The following GALNTL6 variants were observed in gnomAD, a reference collection of about 807,000 sequenced individuals.
GALNTL6 encodes the protein polypeptide N-acetylgalactosaminyltransferase like 6.
In GALNTL6, 46 loss-of-function variants were observed where a neutral mutation model predicts 73.7. The observed-to-expected ratio is 0.62, with a 90% CI of 0.49 to 0.80. The LOEUF (loss-of-function observed/expected upper bound fraction) is 0.80. Among genes scored for constraint, GALNTL6 ranks in the 30% least tolerant of loss-of-function variants. GALNTL6 has a pLI of 0.00. For synonymous variants in GALNTL6, 259 were observed against 263.7 expected (o/e 0.98, Z 0.17); for missense variants, 604 against 755.0 (o/e 0.80, Z 2.34).
chr4:172,040,475 CAG>C (rs1742053165), intron 2 of GALNTL6, among the ~76,000 whole-genome samples: 1 of 151,948 alleles, frequency 6.6e-6, no homozygotes. Flanking sequence ...CATCATGTAA[CAG>C]AGTTACCCTC....
chr4:172,306,808 G>A (rs1325161214), intron 3 of GALNTL6, among the ~76,000 whole-genome samples: 1 of 152,032 alleles, frequency 6.6e-6, no homozygotes, highest in African/African-American at 2.4e-5. Flanking sequence ...CCTTTTTTTG[G>A]CTGAGTAGTA....
intron 5 of GALNTL6, among the ~76,000 whole-genome samples, chr4:172,639,121 G>A (rs1328611184): frequency 6.6e-6 from 1 of 152,062 alleles, no homozygotes; most frequent in African/African-American, 2.4e-5. Flanking sequence ...TTTTCTCTGT[G>A]TAACTAATAT....
At chr4:171,988,954 G>A (rs543131910) in intron 2 of GALNTL6, among the ~76,000 whole-genome samples, 5 of 151,948 alleles carry the variant, frequency 3.3e-5, no homozygotes, top group Non-Finnish European at 7.4e-5. Flanking sequence ...TGTGGCTGTA[G>A]CCTAGGAATA....
chr4:172,991,007 A>G (rs1751515684), intron 10 of GALNTL6, among the ~76,000 whole-genome samples: 1 of 152,224 alleles, frequency 6.6e-6, no homozygotes, highest in Non-Finnish European at 1.5e-5. Context: ...TAAAAAGTTA[A>G]TGAAGCCAAA....
chr4:172,052,500 C>T, intron 2 of GALNTL6: 1 of 1,535,082 alleles, frequency 6.5e-7, no homozygotes, highest in Non-Finnish European at 8.7e-7. Context: ...AGCATTAGTG[C>T]AGACCACGGA....
chr4:171,930,364 A>T (rs1578982306), intron 2 of GALNTL6, among the ~76,000 whole-genome samples: 1 of 152,246 alleles, frequency 6.6e-6, no homozygotes, highest in Admixed American at 6.5e-5. Context: ...TACTGAGTCC[A>T]CCCAGAACCA....
At chr4:172,044,106 C>A (rs1318746855) in intron 2 of GALNTL6, among the ~76,000 whole-genome samples, 1 of 151,856 alleles carries the variant, frequency 6.6e-6, no homozygotes, top group Non-Finnish European at 1.5e-5. Flanking sequence ...CATTCAGATT[C>A]TCCATGCACA....
chr4:171,903,719 A>G (rs908109136), intron 2 of GALNTL6, among the ~76,000 whole-genome samples: 25 of 151,860 alleles, frequency 1.6e-4, no homozygotes, highest in Non-Finnish European at 3.5e-4. Flanking sequence ...AGACAGCAGT[A>G]ACTTCTGCAG....
At chr4:172,100,719 T>C (rs868289546) in intron 2 of GALNTL6, among the ~76,000 whole-genome samples, 5 of 152,156 alleles carry the variant, frequency 3.3e-5, no homozygotes, top group Admixed American at 2.6e-4. Flanking sequence ...AGAAAATACA[T>C]TGAAAAGGTT....
chr4:172,664,586 C>CA (rs1404144400), intron 5 of GALNTL6, among the ~76,000 whole-genome samples: 1 of 152,184 alleles, frequency 6.6e-6, no homozygotes, highest in Non-Finnish European at 1.5e-5. Context: ...TTTACTAGGT[C>CA]ATGGATCTGA....
At chr4:172,799,104 A>G (rs1360440813) in intron 5 of GALNTL6, among the ~76,000 whole-genome samples, 1 of 152,232 alleles carries the variant, frequency 6.6e-6, no homozygotes, top group African/African-American at 2.4e-5. Flanking sequence ...GATATCTGAT[A>G]TGATTGATAA....
chr4:172,998,774 T>G (rs1027093368), intron 10 of GALNTL6, among the ~76,000 whole-genome samples: 1 of 152,158 alleles, frequency 6.6e-6, no homozygotes, highest in African/African-American at 2.4e-5. Context: ...TATTTTCTCC[T>G]TCTTATTTCT....
At chr4:172,047,718 A>G (rs549673978) in intron 2 of GALNTL6, among the ~76,000 whole-genome samples, 43 of 152,262 alleles carry the variant, frequency 2.8e-4, no homozygotes, top group African/African-American at 8.9e-4. Context: ...AAGTTCAGTT[A>G]GTTCTCTATT....
At chr4:172,722,532 CTCTT>C (rs1371715003) in intron 5 of GALNTL6, among the ~76,000 whole-genome samples, 4 of 152,100 alleles carry the variant, frequency 2.6e-5, no homozygotes, top group African/African-American at 7.2e-5. Context: ...ACCTCCCTCT[CTCTT>C]TTTCTCTCAG....
chr4:172,334,151 T>C (rs2111187432), intron 4 of GALNTL6, among the ~76,000 whole-genome samples: 1 of 152,340 alleles, frequency 6.6e-6, no homozygotes, highest in East Asian at 1.9e-4. Flanking sequence ...TTGGTTACTA[T>C]AGCCTTGTAA....
intron 2 of GALNTL6, among the ~76,000 whole-genome samples, chr4:172,220,487 T>A (rs1312878091): frequency 2.0e-5 from 3 of 151,766 alleles, no homozygotes; most frequent in Non-Finnish European, 4.4e-5. Flanking sequence ...GGTATAAATA[T>A]CCCCTTCCCT....
intron 5 of GALNTL6, among the ~76,000 whole-genome samples, chr4:172,601,499 C>T (rs1738050323): frequency 6.6e-6 from 1 of 152,258 alleles, no homozygotes; most frequent in Middle Eastern, 3.4e-3. Context: ...TTCCTAGACC[C>T]TCTCTTGCTT....
intron 5 of GALNTL6, among the ~76,000 whole-genome samples, chr4:172,677,155 C>A (rs1437695798): frequency 1.3e-5 from 2 of 152,158 alleles, no homozygotes; most frequent in Non-Finnish European, 2.9e-5. Flanking sequence ...AATAAACCTC[C>A]AAGTTTACTG....
intron 11 of GALNTL6, among the ~76,000 whole-genome samples, chr4:173,009,787 C>G (rs1752463757): frequency 6.6e-6 from 1 of 152,306 alleles, no homozygotes; most frequent in South Asian, 2.1e-4. Context: ...AGGATGTAAG[C>G]AACAGCACCC....
Sources: gnomAD v4.1 joint callset for allele counts (sites outside exome capture counted in the v4.1 genomes callset) on GRCh38, gnomAD v4.1.1 for gene constraint, MANE v1.5 for transcripts, NCBI Gene and HGNC (gene_info 2026-07-23, HGNC 2026-07-21) for gene names.